The following TSPEAR variants were observed in gnomAD, a reference collection of about 807,000 sequenced individuals.
TSPEAR encodes the protein thrombospondin type laminin G domain and EAR repeats.
A neutral mutation model predicts 71.6 loss-of-function variants in TSPEAR; 69 were observed. That is an observed-to-expected ratio of 0.96 (90% CI 0.79 to 1.18). The LOEUF (loss-of-function observed/expected upper bound fraction) is 1.18. TSPEAR is among the 50% of genes most tolerant of loss of function. The probability of loss-of-function intolerance (pLI) is 0.00; values close to 1 mark genes in which losing one functional copy is unlikely to be tolerated. For missense variants in TSPEAR, 971 were observed against 894.9 expected (o/e 1.09, Z -1.09); for synonymous variants, 402 against 387.2 (o/e 1.04, Z -0.45).
intron 1 of TSPEAR, among the ~76,000 whole-genome samples, chr21:44,622,787 A>G (rs1193014715): frequency 1.3e-5 from 2 of 152,192 alleles, no homozygotes; most frequent in Admixed American, 1.3e-4. Context: ...ATTGTGAGTG[A>G]CATGGTTTGG....
intron 1 of TSPEAR, among the ~76,000 whole-genome samples, chr21:44,659,781 A>C (rs1985389705): frequency 6.6e-6 from 1 of 152,174 alleles, no homozygotes; most frequent in Admixed American, 6.5e-5. Flanking sequence ...GCAAGACACT[A>C]TCTCTAAAAA....
Position 44,711,524 on chromosome 21 carries a change from G to C in TSPEAR, c.-10C>G, listed in dbSNP as rs782582804. The C allele has an allele frequency of 6.2e-7, 1 of 1,609,036 alleles. No homozygotes were observed. The highest frequency in any genetic ancestry group is 8.5e-7 in the Non-Finnish European group (1 of 1,178,148). ...TCAGCAGGGCAGACATGAGGGGCTT[G>C]GGTGCCAAGCTCCATCCAGGGCTCC... On this transcript the variant is annotated 5_prime_UTR_variant, in exon 1 of 12. Transcript: ENST00000323084. This position sits in a 1 kb window ranked among gnomAD's most constrained non-coding sequence, Gnocchi z 4.5.
intron 1 of TSPEAR, among the ~76,000 whole-genome samples, chr21:44,706,594 C>G (rs542112986): frequency 6.6e-6 from 1 of 152,348 alleles, no homozygotes; most frequent in African/African-American, 2.4e-5. Context: ...AGTCGTTTTG[C>G]TGGGTTGCGC....
At chr21:44,540,184 G>T (rs2053193372) in intron 2 of TSPEAR, 3 of 1,591,892 alleles carry the variant, frequency 1.9e-6, no homozygotes, top group Admixed American at 1.7e-5. Flanking sequence ...TGCGGGAGGT[G>T]TGAGTGAGTG....
chr21:44,556,574 T>C (rs1379894644), intron 2 of TSPEAR, among the ~76,000 whole-genome samples: 5 of 152,026 alleles, frequency 3.3e-5, no homozygotes, highest in Admixed American at 6.6e-5. Flanking sequence ...GCGCCTGTAA[T>C]CCCAGCTACT....
chr21:44,537,369 T>G lies in TSPEAR; in HGVS notation c.304-3446A>C, dbSNP rs587611809. Among the ~76,000 whole-genome samples, 3 of 152,276 alleles carry G rather than the reference T, an allele frequency of 2.0e-5. No homozygotes were observed. The South Asian group carries it at 6.2e-4, about 32-fold the overall frequency. On this transcript the variant is annotated intron_variant, in intron 2 of 11. Coordinates refer to ENST00000323084, the MANE Select transcript of TSPEAR (RefSeq NM_144991.3). ...AGCTAGAACCAACGTTTTTAGAAAA[T>G]AAGATAGTGGCACCTTCTTTATGAG...
At chr21:44,591,083 G>A (rs1320327572) in intron 1 of TSPEAR, among the ~76,000 whole-genome samples, 2 of 152,070 alleles carry the variant, frequency 1.3e-5, no homozygotes, top group African/African-American at 4.8e-5. Context: ...TGCCCCCCGG[G>A]GGTCCACAGA....
At chr21:44,575,102 C>T in intron 1 of TSPEAR, 1 of 1,245,380 alleles carries the variant, frequency 8.0e-7, no homozygotes, top group South Asian at 1.5e-5. Flanking sequence ...ATTGCTCCTG[C>T]ACTTTGACCA....
At chr21:44,502,139 A>T (rs921744890) in intron 11 of TSPEAR, among the ~76,000 whole-genome samples, 3 of 152,252 alleles carry the variant, frequency 2.0e-5, no homozygotes, top group Non-Finnish European at 4.4e-5. Context: ...CAGTAAACAT[A>T]GTGGACCGCA....
At chr21:44,600,413 T>C (rs1361422138) in intron 1 of TSPEAR, among the ~76,000 whole-genome samples, 1 of 152,138 alleles carries the variant, frequency 6.6e-6, no homozygotes, top group African/African-American at 2.4e-5. Context: ...CGGCATCTCA[T>C]AGGACTAAAC....
intron 1 of TSPEAR, among the ~76,000 whole-genome samples, chr21:44,595,942 T>C (rs1980339141): frequency 6.6e-6 from 1 of 152,248 alleles, no homozygotes; most frequent in East Asian, 1.9e-4. Context: ...TCATTTTCTA[T>C]TGCTGTGGAA....
At chr21:44,665,023 C>A (rs782462075) in intron 1 of TSPEAR, among the ~76,000 whole-genome samples, 1 of 152,162 alleles carries the variant, frequency 6.6e-6, no homozygotes, top group African/African-American at 2.4e-5. Context: ...AGAGTGCTTA[C>A]GTGTGTGCAT....
intron 2 of TSPEAR, among the ~76,000 whole-genome samples, chr21:44,535,420 T>C (rs1309593141): frequency 6.6e-6 from 1 of 152,168 alleles, no homozygotes; most frequent in African/African-American, 2.4e-5. Flanking sequence ...TGATTAAGCC[T>C]GAAAGGTAAA....
chr21:44,503,429 C>T (rs1382388982), intron 11 of TSPEAR, among the ~76,000 whole-genome samples: 5 of 118,894 alleles, frequency 4.2e-5, no homozygotes, highest in East Asian at 2.7e-4. Context: ...GGTGAGCCCT[C>T]GGGGGGAAGC....
rs1555953571 is a variant in TSPEAR, at chr21:44,711,371, C to T, written c.82+62G>A. On this transcript the variant is annotated intron_variant, in intron 1 of 11. Coordinates refer to ENST00000323084, the MANE Select transcript of TSPEAR (RefSeq NM_144991.3). This position sits in a 1 kb window ranked among gnomAD's most constrained non-coding sequence, Gnocchi z 4.5. ...GTGTTAGAAAGTGGCATTTGTGACT[C>T]GACACCCCTCCCAGCTCCCCGGCAA... 2 of 1,464,628 alleles carry T rather than the reference C, an allele frequency of 1.4e-6. No homozygotes were observed. Among genetic ancestry groups the T allele is most frequent in the Admixed American group, 4.1e-5 (2 of 48,786 alleles). 90.7% of individuals were successfully genotyped at this position (1,464,628 alleles called of 1,614,324 possible). A position where few individuals can be genotyped will look rare whatever the true frequency, so the allele number is the denominator to read the frequency against.
rs781805672 is a variant in TSPEAR at position 44,592,639 on chromosome 21, C to A, written c.83-24634G>T. ...TCTGCCGGGATTAGGGGTGTTTGTT[C>A]GCCCGTGATGTGGGCCAGCTCATAA... is the stretch of plus-strand genomic sequence containing the variant. On this transcript the variant is annotated intron_variant, in intron 1 of 11. Coordinates refer to ENST00000323084, the MANE Select transcript of TSPEAR (RefSeq NM_144991.3). 2.5e-6 allele frequency: 3 copies of A among 1,206,894 alleles called. No homozygotes were observed. The African/African-American group carries it at 4.6e-5, about 19-fold the overall frequency. 74.8% of individuals were successfully genotyped at this position (1,206,894 alleles called of 1,614,324 possible).
chr21:44,616,430 T>G (rs1555932414), intron 1 of TSPEAR, among the ~76,000 whole-genome samples: 2 of 152,096 alleles, frequency 1.3e-5, no homozygotes, highest in South Asian at 4.2e-4. Context: ...GGCCCAAATG[T>G]CACAGGTGTG....
intron 1 of TSPEAR, among the ~76,000 whole-genome samples, chr21:44,632,954 T>A (rs1569230641): frequency 1.3e-5 from 2 of 152,252 alleles, no homozygotes; most frequent in Non-Finnish European, 2.9e-5. Context: ...ACATTATGAA[T>A]GTATTTAATA....
At chr21:44,625,679 C>T (rs1390697492) in intron 1 of TSPEAR, among the ~76,000 whole-genome samples, 6 of 152,248 alleles carry the variant, frequency 3.9e-5, no homozygotes, top group Non-Finnish European at 8.8e-5. Context: ...TCCCCTTCTC[C>T]CTGTTTTGGG....
Sources: allele counts gnomAD v4.1 joint callset (sites outside exome capture counted in the v4.1 genomes callset), GRCh38; gene constraint gnomAD v4.1.1; non-coding constraint Gnocchi (gnomAD v3.1); transcripts MANE v1.5; gene names NCBI Gene and HGNC (gene_info 2026-07-23, HGNC 2026-07-21).